Variants in DKK2 observed in about 807,000 individuals in gnomAD.
DKK2 encodes dickkopf-related protein 2.
A neutral mutation model predicts 28.1 loss-of-function variants in DKK2; 11 were observed. That is an observed-to-expected ratio of 0.39 (90% confidence interval 0.25 to 0.65). The LOEUF is 0.65. Among genes scored for constraint, DKK2 ranks in the 30% least tolerant of loss-of-function variants. DKK2 has a pLI of 0.47. For missense variants in DKK2, 326 were observed against 335.5 expected, an observed-to-expected ratio of 0.97 and a Z score of 0.22; for synonymous variants, 135 against 126.5, an observed-to-expected ratio of 1.07 and a Z score of -0.45.
chr4:106,948,601 T>C (rs1028769294), intron 1 of DKK2, among the ~76,000 whole-genome samples: 3 of 152,146 alleles, frequency 2.0e-5, no homozygotes, highest in African/African-American at 4.8e-5. Context: ...TTAAATGTCT[T>C]TCTAAAGACC....
chr4:106,999,019 G>A (rs981055140), intron 1 of DKK2, among the ~76,000 whole-genome samples: 1 of 152,104 alleles, frequency 6.6e-6, no homozygotes, highest in Non-Finnish European at 1.5e-5. Context: ...TCCCTGTTAG[G>A]ACATTCTTTA....
chr4:107,033,094 AAAG>A (rs747907879), intron 1 of DKK2, among the ~76,000 whole-genome samples: 18 of 152,228 alleles, frequency 1.2e-4, no homozygotes, highest in African/African-American at 4.8e-5. Flanking sequence ...ATCATTCGTT[AAAG>A]AAGAATACAC....
intron 1 of DKK2, among the ~76,000 whole-genome samples, chr4:106,950,547 T>C (rs1049582080): frequency 3.3e-5 from 5 of 152,070 alleles, no homozygotes; most frequent in African/African-American, 9.7e-5. Context: ...CCAAGCCCCT[T>C]CTTTCTGCTA....
rs995257148 is a variant in DKK2 at position 106,923,869 on chromosome 4, C to T, written c.*85G>A. Reference sequence around the variant, plus strand: ...GTTTCTTATTTTAGCCATTCTTCTGCATCTGAACCTTATTTTCCACCATGC... The same window carrying T: ...GTTTCTTATTTTAGCCATTCTTCTGTATCTGAACCTTATTTTCCACCATGC... On this transcript the variant is annotated 3_prime_UTR_variant, in exon 4 of 4. Coordinates refer to ENST00000285311, the MANE Select transcript of DKK2 (RefSeq NM_014421.3). 4.5e-6 allele frequency: 7 copies of T among 1,539,420 alleles called. No homozygotes were observed. The Admixed American group carries it at 7.3e-5, about 16-fold the overall frequency.
chr4:107,025,147 T>C (rs1723755031), intron 1 of DKK2, among the ~76,000 whole-genome samples: 1 of 152,066 alleles, frequency 6.6e-6, no homozygotes, highest in Admixed American at 6.5e-5. Flanking sequence ...GGAAGATGGA[T>C]ATTTCTCTAT....
intron 1 of DKK2, among the ~76,000 whole-genome samples, chr4:106,987,130 TTAAAATGTTCTGTTA>T (rs1184922286): frequency 6.6e-6 from 1 of 152,232 alleles, no homozygotes; most frequent in Non-Finnish European, 1.5e-5. Flanking sequence ...TAGCACAATA[TTAAAATGTTCTGTTA>T]TAAAATGTTC....
intron 1 of DKK2, among the ~76,000 whole-genome samples, chr4:107,005,644 T>C (rs1227900290): frequency 6.6e-6 from 1 of 152,132 alleles, no homozygotes; most frequent in Non-Finnish European, 1.5e-5. Context: ...CCCATTTACA[T>C]TATTTTTCTG....
chr4:107,023,711 G>C lies in DKK2; in HGVS notation c.222+11659C>G, dbSNP rs796732173. ...CTAATGCAAACTACAAATCATAGTG[G>C]AAGCTAGGGAAAGAAGGAGGTAAGG... On this transcript the variant is annotated intron_variant, in intron 1 of 3. Coordinates refer to ENST00000285311, the MANE Select transcript of DKK2 (RefSeq NM_014421.3). Among the ~76,000 whole-genome samples the C allele has an allele frequency of 2.7e-4, 41 of 152,168 alleles. 1 individual carries two copies. Among genetic ancestry groups the C allele is most frequent in the African/African-American group, 9.9e-4 (41 of 41,534 alleles).
intron 1 of DKK2, among the ~76,000 whole-genome samples, chr4:106,932,323 C>CA (rs1472823462): frequency 1.3e-5 from 2 of 151,920 alleles, no homozygotes. Context: ...CATTTAAATC[C>CA]AAAGAAACAG....
chr4:106,961,565 G>GCACACACACACA (rs34597899), intron 1 of DKK2, among the ~76,000 whole-genome samples: 14 of 136,300 alleles, frequency 1.0e-4, no homozygotes, highest in African/African-American at 3.7e-4. Context: ...CCAACAGCCT[G>GCACACACACACA]CACACACACA....
intron 1 of DKK2, among the ~76,000 whole-genome samples, chr4:106,970,123 A>G (rs926904985): frequency 6.6e-6 from 1 of 152,114 alleles, no homozygotes; most frequent in East Asian, 1.9e-4. Flanking sequence ...GTTACCTTTG[A>G]CAATTGTTTA....
At chr4:107,006,583 T>G (rs144708126) in intron 1 of DKK2, among the ~76,000 whole-genome samples, 209 of 152,300 alleles carry the variant, frequency 1.4e-3, no homozygotes, top group African/African-American at 4.8e-3. Context: ...ATTTGTCAAG[T>G]GTTAAATTCT....
At chr4:107,009,967 A>G (rs1431613995) in intron 1 of DKK2, among the ~76,000 whole-genome samples, 2 of 151,730 alleles carry the variant, frequency 1.3e-5, no homozygotes, top group African/African-American at 4.8e-5. Flanking sequence ...CAATTCCTCA[A>G]ATTTATACTT....
intron 1 of DKK2, among the ~76,000 whole-genome samples, chr4:106,974,520 A>G (rs1162811933): frequency 6.6e-6 from 1 of 152,034 alleles, no homozygotes; most frequent in Non-Finnish European, 1.5e-5. Flanking sequence ...ATGGGAGTTC[A>G]CTCATGATTT....
chr4:106,972,457 A>G (rs769361444), intron 1 of DKK2, among the ~76,000 whole-genome samples: 6 of 151,722 alleles, frequency 4.0e-5, no homozygotes, highest in Non-Finnish European at 8.8e-5. Context: ...TTGACTTCCT[A>G]AGTACAAAGT....
At chr4:106,992,481 C>T (rs762168575) in intron 1 of DKK2, among the ~76,000 whole-genome samples, 1 of 152,172 alleles carries the variant, frequency 6.6e-6, no homozygotes, top group Non-Finnish European at 1.5e-5. Flanking sequence ...AGGTCTGGAG[C>T]AGCCATCCTC....
At chr4:107,011,237 G>T (rs1318597049) in intron 1 of DKK2, among the ~76,000 whole-genome samples, 2 of 151,500 alleles carry the variant, frequency 1.3e-5, no homozygotes, top group Non-Finnish European at 3.0e-5. Flanking sequence ...CATATAATCT[G>T]TGACAATCAA....
rs534462885 is a variant in DKK2 at position 106,996,408 on chromosome 4, G to C, written c.222+38962C>G. On this transcript the variant is annotated intron_variant, in intron 1 of 3. Transcript: ENST00000285311. Reference sequence around the variant, plus strand: ...CCTTTCCTAGACAGCAGATTATAAGGTTAGTATGCTACCAAGAAAGGTTTT... The same window carrying C: ...CCTTTCCTAGACAGCAGATTATAAGCTTAGTATGCTACCAAGAAAGGTTTT... Among the ~76,000 whole-genome samples the C allele has an allele frequency of 9.2e-4, 140 of 152,212 alleles. 1 individual carries two copies. The highest frequency in any genetic ancestry group is 6.0e-3 in the Admixed American group (92 of 15,296).
intron 1 of DKK2, among the ~76,000 whole-genome samples, chr4:106,968,719 T>A (rs1048587953): frequency 6.6e-6 from 1 of 152,158 alleles, no homozygotes; most frequent in Non-Finnish European, 1.5e-5. Context: ...ATTTTCCATA[T>A]GGCGTTCTGG....
Sources: gnomAD v4.1 joint callset for allele counts (sites outside exome capture counted in the v4.1 genomes callset) on GRCh38, gnomAD v4.1.1 for gene constraint, MANE v1.5 for transcripts, NCBI Gene and HGNC (gene_info 2026-07-23, HGNC 2026-07-21) for gene names.